The following PAK1 variants were observed in gnomAD, a reference collection of about 807,000 sequenced individuals.
The protein encoded by PAK1 is p21 (RAC1) activated kinase 1.
Under a neutral mutation model 67.4 loss-of-function variants are expected in PAK1, and 29 were observed. The observed-to-expected ratio is 0.43, with a 90% CI of 0.32 to 0.59. The LOEUF is 0.59. Ranked by LOEUF, PAK1 falls within the 20% of genes least tolerant of loss-of-function variation. The pLI, the probability that PAK1 is intolerant of heterozygous loss-of-function variation, is 0.07. For synonymous variants in PAK1, 223 were observed against 237.4 expected (o/e 0.94, Z 0.56); for missense variants, 337 against 670.7 (o/e 0.50, Z 5.50).
the PAK1 span, among the ~76,000 whole-genome samples, chr11:77,481,212 C>CCAG: frequency 6.6e-6 from 1 of 152,236 alleles, no homozygotes; most frequent in South Asian, 2.1e-4. Context: ...GTTCCAGTGT[C>CCAG]TATTAACTTA....
At position 77,322,574 on chromosome 11, in the gene PAK1, G is replaced by A; in HGVS notation, c.*700C>T. ...TGTTATAAACAAGGGACAGGATAGG[G>A]GCAGCAGCCTAGGGTATGCAGGGAA... On this transcript the variant is annotated 3_prime_UTR_variant, in exon 15 of 15. Coordinates refer to ENST00000356341, the MANE Select transcript of PAK1 (RefSeq NM_002576.5). The A allele has an allele frequency of 4.9e-6, 1 of 202,200 alleles. No homozygotes were observed. The highest frequency in any genetic ancestry group is 1.0e-5 in the Non-Finnish European group (1 of 97,024). 12.5% of individuals were successfully genotyped at this position (202,200 alleles called of 1,614,324 possible).
intron 1 of PAK1, among the ~76,000 whole-genome samples, chr11:77,471,092 C>T (rs1347394161): frequency 6.6e-6 from 1 of 152,166 alleles, no homozygotes; most frequent in African/African-American, 2.4e-5. Context: ...TACTTGAGTG[C>T]CTGCTATATG....
chr11:77,349,255 A>AC lies in PAK1; in HGVS notation c.868dup (p.Val290GlyfsTer10). ...GATACTCACCTCCTGTCCTGTGGCC[A>AC]CATCCATTGCTGTGTACACGGTGCC... is the stretch of plus-strand genomic sequence containing the variant. On this transcript the variant is annotated frameshift_variant, in exon 9 of 15. Coordinates refer to ENST00000356341, the MANE Select transcript of PAK1 (RefSeq NM_002576.5). LOFTEE classifies it high-confidence loss of function. The AC allele has an allele frequency of 6.2e-7, 1 of 1,600,112 alleles. No individual in the cohort carries two copies. Among genetic ancestry groups the AC allele is most frequent in the Non-Finnish European group, 8.5e-7 (1 of 1,172,510 alleles).
intron 1 of PAK1, among the ~76,000 whole-genome samples, chr11:77,412,613 A>G (rs1954684845): frequency 6.6e-6 from 1 of 151,908 alleles, no homozygotes; most frequent in Non-Finnish European, 1.5e-5. Flanking sequence ...TTTTTTGTAC[A>G]GATGGGGTCT....
At chr11:77,447,051 A>C (rs1047686404) in intron 1 of PAK1, among the ~76,000 whole-genome samples, 3 of 152,238 alleles carry the variant, frequency 2.0e-5, no homozygotes, top group African/African-American at 7.2e-5. Context: ...AGGAAGTATA[A>C]ATCATTTACC....
intron 14 of PAK1, among the ~76,000 whole-genome samples, chr11:77,328,811 C>T (rs1459996013): frequency 2.0e-5 from 3 of 151,974 alleles, no homozygotes; most frequent in African/African-American, 4.8e-5. Context: ...AATAGAGACA[C>T]AAAAAACCCT....
intron 1 of PAK1, among the ~76,000 whole-genome samples, chr11:77,456,180 T>A (rs768387191): frequency 1.5e-4 from 23 of 151,966 alleles, no homozygotes; most frequent in East Asian, 1.2e-3. Context: ...AACTGTATTT[T>A]AAAAAAAATA....
intron 1 of PAK1, among the ~76,000 whole-genome samples, chr11:77,424,806 T>C (rs772131224): frequency 2.6e-5 from 4 of 152,188 alleles, no homozygotes; most frequent in Non-Finnish European, 5.9e-5. Flanking sequence ...TTTAAGATCT[T>C]AGAGTACCTC....
At chr11:77,369,730 G>A (rs1309807455) in intron 5 of PAK1, among the ~76,000 whole-genome samples, 1 of 152,074 alleles carries the variant, frequency 6.6e-6, no homozygotes, top group Non-Finnish European at 1.5e-5. Flanking sequence ...TTACAGGTGT[G>A]AGCACCGCAC....
At chr11:77,528,502 G>A in the PAK1 span, among the ~76,000 whole-genome samples, 12 of 151,906 alleles carry the variant, frequency 7.9e-5, no homozygotes, top group Admixed American at 2.0e-4. Context: ...ATGCCATCAC[G>A]CCTGGCTAAT....
At chr11:77,413,501 T>C (rs1426031615) in intron 1 of PAK1, among the ~76,000 whole-genome samples, 1 of 152,078 alleles carries the variant, frequency 6.6e-6, no homozygotes, top group Non-Finnish European at 1.5e-5. Flanking sequence ...CTGGCCAACA[T>C]GGTGAAACCC....
chr11:77,438,500 T>TTA, intron 1 of PAK1, among the ~76,000 whole-genome samples: 1 of 152,228 alleles, frequency 6.6e-6, no homozygotes, highest in Non-Finnish European at 1.5e-5. Context: ...TGTTTGTGGA[T>TTA]GGAGCCCTTT....
At chr11:77,335,421 T>G (rs1045061066) in intron 13 of PAK1, among the ~76,000 whole-genome samples, 2 of 152,190 alleles carry the variant, frequency 1.3e-5, no homozygotes, top group African/African-American at 4.8e-5. Context: ...CTCTTCACCA[T>G]TTCAACAGAT....
At chr11:77,358,148 C>A (rs984944156) in intron 6 of PAK1, among the ~76,000 whole-genome samples, 2 of 152,104 alleles carry the variant, frequency 1.3e-5, no homozygotes, top group African/African-American at 4.8e-5. Context: ...CCAGAGGTAG[C>A]CCTTTTTTTT....
chr11:77,444,647 C>A (rs1956514603), intron 1 of PAK1, among the ~76,000 whole-genome samples: 1 of 152,154 alleles, frequency 6.6e-6, no homozygotes, highest in African/African-American at 2.4e-5. Context: ...CAATCAACAT[C>A]TTAATGGTCA....
At chr11:77,374,455 G>A (rs956841673) in intron 4 of PAK1, 90 bp from the exon 5 acceptor site, 19 of 798,304 alleles carry the variant, frequency 2.4e-5, no homozygotes, top group Admixed American at 1.3e-4. Flanking sequence ...GGTCAAGCAC[G>A]TGCCAGATTC....
chr11:77,459,876 T>G (rs1957252641), intron 1 of PAK1, among the ~76,000 whole-genome samples: 1 of 151,574 alleles, frequency 6.6e-6, no homozygotes, highest in Non-Finnish European at 1.5e-5. Flanking sequence ...TTTTGTGTTT[T>G]TAGTAGAGAC....
chr11:77,456,482 A>C (rs1028907276), intron 1 of PAK1, among the ~76,000 whole-genome samples: 16 of 152,190 alleles, frequency 1.1e-4, no homozygotes, highest in Non-Finnish European at 1.9e-4. Context: ...GACAACAAAG[A>C]AGCAAGCAGA....
intron 5 of PAK1, among the ~76,000 whole-genome samples, chr11:77,359,451 C>T (rs1946483469): frequency 6.6e-6 from 1 of 152,158 alleles, no homozygotes; most frequent in Non-Finnish European, 1.5e-5. Flanking sequence ...CTTACTCTCT[C>T]CTGATATGGT....
Sources: gnomAD v4.1 joint callset for allele counts (sites outside exome capture counted in the v4.1 genomes callset) on GRCh38, gnomAD v4.1.1 for gene constraint, MANE v1.5 for transcripts, NCBI Gene and HGNC (gene_info 2026-07-23, HGNC 2026-07-21) for gene names.